The following USP10 variants were observed in gnomAD, a reference collection of about 807,000 sequenced individuals.
The protein encoded by USP10 is ubiquitin specific peptidase 10.
Under a neutral mutation model 84.5 loss-of-function variants are expected in USP10, and 22 were observed. That is an observed-to-expected ratio of 0.26 (90% CI 0.19 to 0.37). USP10 has a LOEUF of 0.37. Among genes scored for constraint, USP10 ranks in the 10% least tolerant of loss-of-function variants. The probability of loss-of-function intolerance (pLI) is 1.00; values close to 1 mark genes in which losing one functional copy is unlikely to be tolerated. For synonymous variants in USP10, 454 were observed against 387.6 expected (o/e 1.17, Z -2.01); for missense variants, 1,019 against 998.9 (o/e 1.02, Z -0.27).
chr16:84,772,947 A>G (rs1454994754), intron 12 of USP10, among the ~76,000 whole-genome samples: 2 of 152,318 alleles, frequency 1.3e-5, no homozygotes, highest in East Asian at 1.9e-4. Context: ...ATCAAAAAGA[A>G]CATCACTTTT....
At chr16:84,715,999 C>A (rs141570529) in intron 1 of USP10, among the ~76,000 whole-genome samples, 1 of 152,058 alleles carries the variant, frequency 6.6e-6, no homozygotes, top group African/African-American at 2.4e-5. Flanking sequence ...AGCTTCTTGC[C>A]CTTTGGGTCG....
chr16:84,704,040 T>G (rs1373343451), intron 1 of USP10, among the ~76,000 whole-genome samples: 1 of 152,242 alleles, frequency 6.6e-6, no homozygotes, highest in East Asian at 1.9e-4. Flanking sequence ...TGATTGCTGT[T>G]TAATGCCAAG....
At chr16:84,772,813 A>C in intron 12 of USP10, 128 bp downstream of exon 12, 2 of 1,288,570 alleles carry the variant, frequency 1.6e-6, no homozygotes, top group Middle Eastern at 3.8e-4. Flanking sequence ...GACTTGTTTT[A>C]AGTTTCTTGA....
intron 8 of USP10, 50 bp downstream of exon 8, chr16:84,760,325 A>G (rs1441763843): frequency 2.0e-6 from 3 of 1,495,972 alleles, no homozygotes; most frequent in Non-Finnish European, 2.7e-6. Flanking sequence ...CTTTTGTTCC[A>G]GTGTTTGTGT....
chr16:84,748,256 G>A (rs896797026), intron 4 of USP10, among the ~76,000 whole-genome samples: 2 of 151,918 alleles, frequency 1.3e-5, no homozygotes, highest in Non-Finnish European at 2.9e-5. Context: ...GCATGGTGGG[G>A]TCCTGTTAAA....
In USP10 at chr16:84,719,599, C is replaced by G. The variant is rs115667642; in HGVS notation, c.22-13836C>G. On this transcript the variant is annotated intron_variant, in intron 1 of 13. Coordinates refer to ENST00000219473, the MANE Select transcript of USP10 (RefSeq NM_005153.3). ...CTGCTCCCCTGCTAGGTGAGTACCACCGCGGATTGGTTACCTGCTTTTATG... is the reference window on the plus strand; with the variant it reads ...CTGCTCCCCTGCTAGGTGAGTACCAGCGCGGATTGGTTACCTGCTTTTATG... Among the ~76,000 whole-genome samples the G allele has an allele frequency of 5.9e-3, 896 of 152,302 alleles. 5 individuals carry two copies. Among genetic ancestry groups the G allele is most frequent in the African/African-American group, 0.02 (848 of 41,558 alleles).
At chr16:84,775,051 G>T (rs1402924863) in intron 12 of USP10, 109 bp from the exon 13 acceptor site, 1 of 914,682 alleles carries the variant, frequency 1.1e-6, no homozygotes, top group Non-Finnish European at 1.8e-6. Context: ...TTTGTTCCTG[G>T]TCTGACAGGC....
chr16:84,769,063 C>G (rs1914159065), intron 11 of USP10, among the ~76,000 whole-genome samples: 1 of 152,140 alleles, frequency 6.6e-6, no homozygotes, highest in African/African-American at 2.4e-5. Flanking sequence ...TGTTATATAT[C>G]TTAGGTTGTG....
Position 84,761,742 on chromosome 16 carries a change from G to A in USP10, c.1555-1247G>A, listed in dbSNP as rs929160067. 7.2e-5 allele frequency among the ~76,000 whole-genome samples: 11 copies of A among 152,264 alleles called. 1 individual carries two copies. The highest frequency in any genetic ancestry group is 1.5e-4 in the Non-Finnish European group (10 of 68,044). ...CAGAAAGCACATTGCTTGCGCAAAC[G>A]GTTTAGGCAGAATCCCGTATCAGTT... On this transcript the variant is annotated intron_variant, in intron 8 of 13. Coordinates refer to ENST00000219473, the MANE Select transcript of USP10 (RefSeq NM_005153.3).
intron 11 of USP10, among the ~76,000 whole-genome samples, chr16:84,771,619 A>G (rs996297301): frequency 5.3e-5 from 8 of 152,244 alleles, no homozygotes; most frequent in Admixed American, 3.3e-4. Flanking sequence ...CTGTAATCTC[A>G]GCACTTTGGG....
chr16:84,776,115 C>G (rs188890359), intron 13 of USP10, among the ~76,000 whole-genome samples: 11 of 152,078 alleles, frequency 7.2e-5, no homozygotes, highest in Non-Finnish European at 1.3e-4. Flanking sequence ...TACATGTGTC[C>G]TAGGAGATGG....
chr16:84,745,698 A>G, intron 4 of USP10, 25 bp downstream of exon 4: 2 of 1,582,344 alleles, frequency 1.3e-6, no homozygotes, highest in Non-Finnish European at 1.7e-6. Flanking sequence ...ATACAAATCT[A>G]GAGTGAAGAT....
At chr16:84,766,359 G>A (rs140888500) in intron 10 of USP10, among the ~76,000 whole-genome samples, 1 of 152,344 alleles carries the variant, frequency 6.6e-6, no homozygotes, top group East Asian at 1.9e-4. Flanking sequence ...TGGGTGGTCA[G>A]TTGTCACCTG....
At chr16:84,768,063 C>G in intron 10 of USP10, 130 bp from the exon 11 acceptor site, 1 of 1,114,086 alleles carries the variant, frequency 9.0e-7, no homozygotes, top group Non-Finnish European at 1.2e-6. Flanking sequence ...ATATTTTTGG[C>G]TTTTCTCTGT....
At chr16:84,708,804 G>T (rs749799104) in intron 1 of USP10, 2 of 152,200 alleles carry the variant, frequency 1.3e-5, no homozygotes, top group Admixed American at 1.3e-4. Flanking sequence ...GAATTAATTT[G>T]TAGAATACTA....
At chr16:84,705,822 C>G (rs773974310) in intron 1 of USP10, among the ~76,000 whole-genome samples, 9 of 146,622 alleles carry the variant, frequency 6.1e-5, no homozygotes, top group Non-Finnish European at 1.2e-4. Flanking sequence ...CAGATTCAAG[C>G]GATTCTCCTG....
At chr16:84,700,242 C>T (rs1449134015) in intron 1 of USP10, 131 bp downstream of exon 1, 90 of 758,728 alleles carry the variant, frequency 1.2e-4, no homozygotes, top group Non-Finnish European at 8.4e-5. Context: ...GGACACGCTG[C>T]CCGGGCCTAG....
intron 1 of USP10, among the ~76,000 whole-genome samples, chr16:84,718,655 C>A (rs1597292876): frequency 6.6e-6 from 1 of 151,756 alleles, no homozygotes; most frequent in South Asian, 2.1e-4. Context: ...TACTCGGAGG[C>A]TGAGGCAGGA....
chr16:84,740,419 CTGGGT>C, intron 3 of USP10, 50 bp downstream of exon 3: 1 of 1,469,414 alleles, frequency 6.8e-7, no homozygotes, highest in Non-Finnish European at 9.4e-7. Flanking sequence ...GCCATACGTG[CTGGGT>C]GGGCAGGCTA....
Sources: allele counts gnomAD v4.1 joint callset (sites outside exome capture counted in the v4.1 genomes callset), GRCh38; gene constraint gnomAD v4.1.1; transcripts MANE v1.5; gene names NCBI Gene and HGNC (gene_info 2026-07-23, HGNC 2026-07-21).